Variants in SMOC1 observed in about 807,000 individuals in gnomAD.
The protein encoded by SMOC1 is SPARC-related modular calcium-binding protein 1.
A neutral mutation model predicts 56.3 loss-of-function variants in SMOC1; 22 were observed. The observed-to-expected ratio is 0.39, with a 90% confidence interval of 0.28 to 0.56. The LOEUF is 0.56. Ranked by LOEUF, SMOC1 falls within the 20% of genes least tolerant of loss-of-function variation. The pLI, the probability that SMOC1 is intolerant of heterozygous loss-of-function variation, is 0.61. For synonymous variants in SMOC1, 193 were observed against 215.0 expected (o/e 0.90, Z 0.89); for missense variants, 509 against 565.4 (o/e 0.90, Z 1.01).
rs547288252 is a variant in SMOC1, at chr14:69,883,275, C to G, written c.99+3498C>G. ...TATGTACCCTTTGACCAACCTCTCT[C>G]CTTTCCCTCTCCCCTCTTCCTTCCT... On this transcript the variant is annotated intron_variant, in intron 1 of 11. Coordinates refer to ENST00000361956, the MANE Select transcript of SMOC1 (RefSeq NM_001034852.3). 5.3e-5 allele frequency among the ~76,000 whole-genome samples: 8 copies of G among 152,280 alleles called. No individual in the cohort carries two copies. The East Asian group carries it at 1.5e-3, about 29-fold the overall frequency.
At chr14:69,953,284 C>A in intron 2 of SMOC1, 136 bp from the exon 3 acceptor site, 2 of 770,462 alleles carry the variant, frequency 2.6e-6, no homozygotes, top group South Asian at 2.8e-5. Flanking sequence ...CTAGCCACGG[C>A]CCTTTTAGGG....
intron 3 of SMOC1, among the ~76,000 whole-genome samples, chr14:69,955,149 A>G (rs1883139613): frequency 6.6e-6 from 1 of 152,096 alleles, no homozygotes; most frequent in Admixed American, 6.5e-5. Context: ...CAGGTGTGGG[A>G]TGTGGAGTGG....
At chr14:69,984,041 T>G (rs1372905578) in intron 5 of SMOC1, among the ~76,000 whole-genome samples, 1 of 152,184 alleles carries the variant, frequency 6.6e-6, no homozygotes, top group Non-Finnish European at 1.5e-5. Flanking sequence ...AAAAGAAAAC[T>G]AAAGTGGGAG....
At chr14:69,985,656 A>G (rs1884338235) in intron 5 of SMOC1, among the ~76,000 whole-genome samples, 1 of 152,250 alleles carries the variant, frequency 6.6e-6, no homozygotes, top group South Asian at 2.1e-4. Flanking sequence ...GCAATCTCAC[A>G]CTGTCCTGCT....
At chr14:70,019,650 T>G (rs1162476443) in intron 10 of SMOC1, among the ~76,000 whole-genome samples, 2 of 152,154 alleles carry the variant, frequency 1.3e-5, no homozygotes, top group Non-Finnish European at 2.9e-5. Context: ...TGGGCTTTCT[T>G]GGGCTATGGC....
chr14:69,949,032 G>A (rs560128940), intron 1 of SMOC1, among the ~76,000 whole-genome samples: 26 of 152,316 alleles, frequency 1.7e-4, no homozygotes, highest in Admixed American at 8.5e-4. Context: ...TGTTGACCAA[G>A]CACCTACTCT....
At chr14:69,945,848 A>T (rs1882759992) in intron 1 of SMOC1, among the ~76,000 whole-genome samples, 1 of 152,224 alleles carries the variant, frequency 6.6e-6, no homozygotes, top group Admixed American at 6.5e-5. Context: ...TGGATAGACC[A>T]CTGACATGGT....
At chr14:69,908,888 G>C (rs1396022650) in intron 1 of SMOC1, among the ~76,000 whole-genome samples, 1 of 152,042 alleles carries the variant, frequency 6.6e-6, no homozygotes, top group African/African-American at 2.4e-5. Flanking sequence ...TGGGGTGTGG[G>C]GGTGTGTGTG....
At chr14:69,934,096 T>C (rs1020077866) in intron 1 of SMOC1, among the ~76,000 whole-genome samples, 4 of 152,192 alleles carry the variant, frequency 2.6e-5, no homozygotes, top group Admixed American at 1.3e-4. Flanking sequence ...CATAGAGGTA[T>C]GTATCTTGAT....
At chr14:70,030,202 CTTTT>C (rs34504720) in intron 11 of SMOC1, 36 bp from the exon 12 acceptor site, 349 of 1,511,328 alleles carry the variant, frequency 2.3e-4, no homozygotes, top group South Asian at 1.0e-3. Flanking sequence ...TGCCCCCGAC[CTTTT>C]TTTTTTTTTT....
chr14:69,903,918 A>G (rs1339093069), intron 1 of SMOC1, among the ~76,000 whole-genome samples: 1 of 150,282 alleles, frequency 6.7e-6, no homozygotes, highest in Non-Finnish European at 1.5e-5. Flanking sequence ...AAAAAAAAAG[A>G]AAGAAAACCA....
intron 1 of SMOC1, among the ~76,000 whole-genome samples, chr14:69,895,431 A>G (rs4899321): frequency 0.68 from 103,484 of 152,180 alleles, 39,937 homozygotes; most frequent in East Asian, 0.91. Context: ...CATCCACCCA[A>G]CTGAATGGCA....
chr14:69,895,839 C>CTT (rs11376674), intron 1 of SMOC1, among the ~76,000 whole-genome samples: 29 of 144,066 alleles, frequency 2.0e-4, no homozygotes, highest in East Asian at 1.4e-3. Flanking sequence ...CAGTTTGTAC[C>CTT]TTTTTTTTTC....
intron 10 of SMOC1, among the ~76,000 whole-genome samples, chr14:70,021,924 G>A (rs151029282): frequency 1.3e-5 from 2 of 152,314 alleles, no homozygotes; most frequent in African/African-American, 4.8e-5. Flanking sequence ...TGTGCAGACA[G>A]GCCTTCGACC....
At chr14:69,911,297 A>G (rs1474656015) in intron 1 of SMOC1, among the ~76,000 whole-genome samples, 22 of 152,222 alleles carry the variant, frequency 1.4e-4, no homozygotes, top group Admixed American at 1.4e-3. Context: ...GACTGGGCCC[A>G]AGGTAGAAGG....
At chr14:69,975,598 T>G in intron 3 of SMOC1, 117 bp from the exon 4 acceptor site, 4 of 777,688 alleles carry the variant, frequency 5.1e-6, no homozygotes, top group Non-Finnish European at 9.1e-6. Context: ...GATGTGGGGA[T>G]GAGAGGTGGA....
At chr14:70,005,813 C>G (rs1205811142) in intron 7 of SMOC1, among the ~76,000 whole-genome samples, 1 of 152,164 alleles carries the variant, frequency 6.6e-6, no homozygotes, top group Non-Finnish European at 1.5e-5. Flanking sequence ...CCCCCCTGGA[C>G]AGCCCTGATT....
chr14:69,902,598 GCCCTCTCCCTCT>G (rs1022012464), intron 1 of SMOC1, among the ~76,000 whole-genome samples: 6 of 151,694 alleles, frequency 4.0e-5, no homozygotes, highest in African/African-American at 7.3e-5. Flanking sequence ...AAACCATCTA[GCCCTCTCCCTCT>G]CCCTCTCCCC....
chr14:69,890,295 T>C (rs1233783214), intron 1 of SMOC1, among the ~76,000 whole-genome samples: 2 of 152,242 alleles, frequency 1.3e-5, no homozygotes, highest in Admixed American at 6.5e-5. Flanking sequence ...AAGGTAGATA[T>C]GTCTTTCCTT....
Sources: gnomAD v4.1 joint callset for allele counts (sites outside exome capture counted in the v4.1 genomes callset) on GRCh38, gnomAD v4.1.1 for gene constraint, MANE v1.5 for transcripts, NCBI Gene and HGNC (gene_info 2026-07-23, HGNC 2026-07-21) for gene names.